The following KGD4 variants were observed in gnomAD, a reference collection of about 807,000 sequenced individuals.
KGD4 encodes alpha-ketoglutarate dehydrogenase subunit 4.
At chr5:69,217,854 G>A in the KGD4 span, 11 of 1,613,978 alleles carry the variant, frequency 6.8e-6, no homozygotes, top group Non-Finnish European at 8.5e-6. Flanking sequence ...GATGGCGTCT[G>A]CTAGTAGGGT....
chr5:69,223,338 C>T, the KGD4 span, among the ~76,000 whole-genome samples: 1 of 152,006 alleles, frequency 6.6e-6, no homozygotes, highest in Non-Finnish European at 1.5e-5. Context: ...CTCGGCCTCT[C>T]AAAGTGCTGG....
At chr5:69,224,031 T>TAAAAAAAAAAAA in the KGD4 span, among the ~76,000 whole-genome samples, 1 of 115,014 alleles carries the variant, frequency 8.7e-6, no homozygotes. Context: ...AGACTCTGTC[T>TAAAAAAAAAAAA]AAAAAAAAAA....
At chr5:69,226,970 A>G in the KGD4 span, among the ~76,000 whole-genome samples, 9 of 152,198 alleles carry the variant, frequency 5.9e-5, no homozygotes, top group East Asian at 1.7e-3. Flanking sequence ...CTCCCGGGTT[A>G]AAGCAATTCT....
chr5:69,218,335 C>A, the KGD4 span, among the ~76,000 whole-genome samples: 2 of 152,256 alleles, frequency 1.3e-5, no homozygotes, highest in Non-Finnish European at 2.9e-5. Context: ...CGGGAATGGT[C>A]GGGCAACTGG....
chr5:69,225,080 G>GA, the KGD4 span, among the ~76,000 whole-genome samples: 19,503 of 104,882 alleles, frequency 0.19, 1,476 homozygotes, highest in African/African-American at 0.24. Context: ...TCTGAAAAAA[G>GA]AAAAAAAAAA....
the KGD4 span, among the ~76,000 whole-genome samples, chr5:69,228,767 C>G: frequency 6.6e-6 from 1 of 152,000 alleles, no homozygotes; most frequent in Non-Finnish European, 1.5e-5. Flanking sequence ...GTAATCCCAG[C>G]ACTTTGGGAG....
the KGD4 span, among the ~76,000 whole-genome samples, chr5:69,227,689 C>T: frequency 2.0e-5 from 3 of 152,238 alleles, no homozygotes; most frequent in Non-Finnish European, 1.5e-5. Flanking sequence ...TACCTGTAAA[C>T]TCCACCATGT....
At chr5:69,229,326 A>C in the KGD4 span, 1 of 903,616 alleles carries the variant, frequency 1.1e-6, no homozygotes, top group South Asian at 1.7e-5. Context: ...ACCTTTAATA[A>C]ATATTATGAA....
the KGD4 span, among the ~76,000 whole-genome samples, chr5:69,221,657 A>G: frequency 6.6e-6 from 1 of 152,096 alleles, no homozygotes; most frequent in Non-Finnish European, 1.5e-5. Context: ...AAACTATAAA[A>G]CCCTTAGAAT....
At chr5:69,228,854 A>G in the KGD4 span, among the ~76,000 whole-genome samples, 14 of 151,916 alleles carry the variant, frequency 9.2e-5, no homozygotes, top group South Asian at 2.1e-4. Context: ...GTCTCTACTG[A>G]AAATACAAAA....
At chr5:69,217,799 G>C in the KGD4 span, 1 of 1,613,326 alleles carries the variant, frequency 6.2e-7, no homozygotes, top group Non-Finnish European at 8.5e-7. Context: ...CGGCTCGCTC[G>C]CGCCCCGGAA....
the KGD4 span, among the ~76,000 whole-genome samples, chr5:69,220,238 A>G: frequency 6.6e-6 from 1 of 152,048 alleles, no homozygotes; most frequent in South Asian, 2.1e-4. Flanking sequence ...AAAAAAAAAA[A>G]CAAAAAAACA....
At chr5:69,229,843 G>A in the KGD4 span, 1 of 152,012 alleles carries the variant, frequency 6.6e-6, no homozygotes, top group African/African-American at 2.4e-5. Flanking sequence ...AAGTCAAAAA[G>A]TGTAAAATGG....
At chr5:69,229,214 G>A in the KGD4 span, 2 of 1,609,844 alleles carry the variant, frequency 1.2e-6, no homozygotes, top group South Asian at 2.2e-5. Context: ...TCAGCGTGGA[G>A]GTCCTGAATA....
chr5:69,229,187 G>T, the KGD4 span: 1 of 1,607,338 alleles, frequency 6.2e-7, no homozygotes. Flanking sequence ...TAATCTTACT[G>T]CTTTATTTTT....
chr5:69,219,244 T>A, the KGD4 span, among the ~76,000 whole-genome samples: 2 of 152,202 alleles, frequency 1.3e-5, no homozygotes, highest in Admixed American at 1.3e-4. Flanking sequence ...TAGTTAAGCA[T>A]GTATCTACCG....
the KGD4 span, among the ~76,000 whole-genome samples, chr5:69,225,726 A>G: frequency 6.6e-6 from 1 of 151,668 alleles, no homozygotes; most frequent in African/African-American, 2.4e-5. Context: ...GATTACAGGC[A>G]CGCATCACCA....
the KGD4 span, chr5:69,229,314 ACACC>A: frequency 7.7e-6 from 8 of 1,038,896 alleles, no homozygotes; most frequent in Non-Finnish European, 1.1e-5. Flanking sequence ...TGTATATTAA[ACACC>A]TTTAATAAAT....
At chr5:69,221,568 G>T in the KGD4 span, among the ~76,000 whole-genome samples, 1 of 152,120 alleles carries the variant, frequency 6.6e-6, no homozygotes, top group Non-Finnish European at 1.5e-5. Flanking sequence ...GAAAAAATTG[G>T]ATATCCATCT....
Sources: gnomAD v4.1 joint callset for allele counts (sites outside exome capture counted in the v4.1 genomes callset) on GRCh38, gnomAD v4.1.1 for gene constraint, MANE v1.5 for transcripts, NCBI Gene and HGNC (gene_info 2026-07-23, HGNC 2026-07-21) for gene names.